Variants in KRT86 observed in about 807,000 individuals in gnomAD.
KRT86 encodes keratin 86.
KRT86 carries 30 observed loss-of-function variants against 41.2 expected under a neutral mutation model. That is an observed-to-expected ratio of 0.73 (90% confidence interval 0.54 to 0.99). The LOEUF (loss-of-function observed/expected upper bound fraction) is 0.99, where lower values mean the gene tolerates loss of function less well. Ranked by LOEUF, KRT86 falls within the 50% of genes least tolerant of loss-of-function variation. KRT86 has a pLI of 0.00. For synonymous variants in KRT86, 238 were observed against 238.1 expected (o/e 1.00, Z 0.00); for missense variants, 561 against 571.4 (o/e 0.98, Z 0.19).
chr12:52,296,004 G>A (rs1233378456), intron 2 of KRT86, among the ~76,000 whole-genome samples: 1 of 152,142 alleles, frequency 6.6e-6, no homozygotes, highest in East Asian at 1.9e-4. Flanking sequence ...GGCTATAAGG[G>A]GGTGGTGGGG....
intron 8 of KRT86, 56 bp from the exon 9 acceptor site, chr12:52,306,004 A>T (rs1295397497): frequency 1.2e-6 from 2 of 1,605,516 alleles, no homozygotes; most frequent in East Asian, 4.5e-5. Flanking sequence ...TCATCGAGGT[A>T]AGCATCAGAG....
chr12:52,282,252 A>G, intron 2 of KRT86, among the ~76,000 whole-genome samples: 1 of 94,460 alleles, frequency 1.1e-5, no homozygotes, highest in East Asian at 3.8e-4. Flanking sequence ...TTTTTTTTTG[A>G]GACAAAGCCT....
chr12:52,278,175 G>T (rs1026858526), intron 2 of KRT86, among the ~76,000 whole-genome samples: 1 of 152,208 alleles, frequency 6.6e-6, no homozygotes, highest in African/African-American at 2.4e-5. Context: ...CAGGCTAGGG[G>T]AGGGAGGGGG....
rs1565749895 is a variant in KRT86, at chr12:52,305,589, C to A, written c.901-74C>A. On this transcript the variant is annotated intron_variant, in intron 7 of 10. Coordinates refer to ENST00000423955, the MANE Select transcript of KRT86 (RefSeq NM_001320198.2). The stretch of plus-strand genomic sequence containing the variant: ...CACAGGCTGAGCACTGCACAACCTG[C>A]AAAATCATCTGTCATGCCCTGAATG... 10 of 1,612,732 alleles carry A rather than the reference C, an allele frequency of 6.2e-6. No homozygotes were observed. The South Asian group carries it at 6.6e-5, about 11-fold the overall frequency.
intron 2 of KRT86, among the ~76,000 whole-genome samples, chr12:52,296,829 T>G (rs561078613): frequency 1.3e-5 from 2 of 152,310 alleles, no homozygotes; most frequent in South Asian, 4.1e-4. Flanking sequence ...AGCTGCAAGG[T>G]TAGTAAGGGC....
intron 2 of KRT86, among the ~76,000 whole-genome samples, chr12:52,284,374 G>C: frequency 6.6e-6 from 1 of 152,110 alleles, no homozygotes; most frequent in East Asian, 1.9e-4. Context: ...ATATTTTATA[G>C]AGATAGAGTC....
chr12:52,274,667 A>T lies in KRT86; in HGVS notation c.-186A>T. 1 of 984,988 alleles carries T rather than the reference A, an allele frequency of 1.0e-6. No homozygotes were observed. 61.0% of individuals were successfully genotyped at this position (984,988 alleles called of 1,614,324 possible). ...AGGATTCTGGTAGCTCTTGGGCTGA[A>T]GCTGGGCTTTGGTGCTCAAGAGAGG... On this transcript the variant is annotated 5_prime_UTR_variant, in exon 1 of 11. In the 5' UTR this introduces an upstream ATG that the reference lacks. Coordinates refer to ENST00000423955, the MANE Select transcript of KRT86 (RefSeq NM_001320198.2).
At chr12:52,292,991 T>C (rs1938167880) in intron 2 of KRT86, among the ~76,000 whole-genome samples, 1 of 152,176 alleles carries the variant, frequency 6.6e-6, no homozygotes, top group Non-Finnish European at 1.5e-5. Flanking sequence ...CCGTCTCTAC[T>C]ACAAATACAA....
chr12:52,283,023 C>T (rs960366788), intron 2 of KRT86, among the ~76,000 whole-genome samples: 2 of 152,152 alleles, frequency 1.3e-5, no homozygotes, highest in African/African-American at 4.8e-5. Context: ...AAACAACATG[C>T]GCATACACTG....
In KRT86 at chr12:52,306,150, G is replaced by C. The variant is rs1165062617; in HGVS notation, c.1117G>C (p.Gly373Arg). The C allele has an allele frequency of 6.2e-7, 1 of 1,613,858 alleles. No individual in the cohort carries two copies. Among genetic ancestry groups the C allele is most frequent in the Non-Finnish European group, 8.5e-7 (1 of 1,180,042 alleles). The change falls in exon 9 of 11, where the codon GGT becomes CGT. Residue 373 changes from glycine to arginine, a missense_variant. Coordinates refer to ENST00000423955, the MANE Select transcript of KRT86 (RefSeq NM_001320198.2). ...DARCKLAELE[G>R]ALQKAKQDMA... ...CCGCTGCAAGTTGGCCGAGCTGGAGGGTGCCCTGCAGAAGGCCAAGCAGGA... is the reference window on the plus strand; with the variant it reads ...CCGCTGCAAGTTGGCCGAGCTGGAGCGTGCCCTGCAGAAGGCCAAGCAGGA...
intron 8 of KRT86, 65 bp from the exon 9 acceptor site, chr12:52,305,995 C>T (rs1938506018): frequency 1.9e-6 from 3 of 1,599,990 alleles, no homozygotes; most frequent in Non-Finnish European, 2.6e-6. Context: ...AGCATGGTCT[C>T]ATCGAGGTAA....
At chr12:52,277,185 C>T (rs1223941676) in intron 2 of KRT86, among the ~76,000 whole-genome samples, 1 of 152,054 alleles carries the variant, frequency 6.6e-6, no homozygotes, top group Non-Finnish European at 1.5e-5. Context: ...GCATTACATG[C>T]CAAAGAGCAT....
At chr12:52,295,360 GT>G (rs1938223795) in intron 2 of KRT86, among the ~76,000 whole-genome samples, 1 of 152,174 alleles carries the variant, frequency 6.6e-6, no homozygotes, top group African/African-American at 2.4e-5. Context: ...TAAGGCTCAG[GT>G]TGCATGTTAG....
At chr12:52,280,796 T>C (rs898888666) in intron 2 of KRT86, among the ~76,000 whole-genome samples, 1 of 152,230 alleles carries the variant, frequency 6.6e-6, no homozygotes, top group Non-Finnish European at 1.5e-5. Flanking sequence ...CCTTGCATTT[T>C]GCTAGGGGAT....
chr12:52,301,884 C>T (rs56016927), intron 2 of KRT86, 29 bp from the exon 3 acceptor site: 2 of 1,613,800 alleles, frequency 1.2e-6, no homozygotes, highest in East Asian at 2.2e-5. Flanking sequence ...ACGTCTCCAT[C>T]CTCAGAACCT....
chr12:52,308,204 C>T (rs1212851822), intron 9 of KRT86, 29 bp from the exon 10 acceptor site: 1 of 1,614,120 alleles, frequency 6.2e-7, no homozygotes, highest in South Asian at 1.1e-5. Flanking sequence ...TTTTCCGCGG[C>T]ACTGACCTCT....
chr12:52,288,142 G>C lies in KRT86; in HGVS notation c.-5+12196G>C, dbSNP rs750207945. 4.3e-6 allele frequency: 7 copies of C among 1,614,050 alleles called. No individual in the cohort carries two copies. In the South Asian group the frequency reaches 4.4e-5, roughly 10 times the overall value. ...TCTGAGATGTGCGACTGGAGAATGAGGATCTCCTGCAGGAGGTGAGGGCAG... is the reference window on the plus strand; with the variant it reads ...TCTGAGATGTGCGACTGGAGAATGACGATCTCCTGCAGGAGGTGAGGGCAG... On this transcript the variant is annotated intron_variant, in intron 2 of 10. Coordinates refer to ENST00000423955, the MANE Select transcript of KRT86 (RefSeq NM_001320198.2).
At chr12:52,291,483 G>T in intron 2 of KRT86, 1 of 1,612,282 alleles carries the variant, frequency 6.2e-7, no homozygotes, top group Non-Finnish European at 8.5e-7. Context: ...CTGGACGTTT[G>T]GGTTGCAGAG....
chr12:52,282,228 C>G (rs1937789786), intron 2 of KRT86, among the ~76,000 whole-genome samples: 1 of 143,800 alleles, frequency 7.0e-6, no homozygotes, highest in African/African-American at 2.5e-5. Context: ...TTTGAGCCCC[C>G]TGAAACAATT....
Sources: allele counts gnomAD v4.1 joint callset (sites outside exome capture counted in the v4.1 genomes callset), GRCh38; gene constraint gnomAD v4.1.1; transcripts MANE v1.5; gene names NCBI Gene and HGNC (gene_info 2026-07-23, HGNC 2026-07-21).